RASGEF1C: variants seen among roughly 807,000 people sequenced by gnomAD.
The protein encoded by RASGEF1C is RasGEF domain family member 1C, also known as ras-GEF domain-containing family member 1C.
Under a neutral mutation model 58.1 loss-of-function variants are expected in RASGEF1C, and 27 were observed. That is an observed-to-expected ratio of 0.46 (90% CI 0.34 to 0.64). RASGEF1C has a LOEUF of 0.64. RASGEF1C is among the 30% of genes least tolerant of loss of function. The probability of loss-of-function intolerance (pLI) is 0.01; values close to 1 mark genes in which losing one functional copy is unlikely to be tolerated. For missense variants in RASGEF1C, 502 were observed against 605.1 expected (o/e 0.83, Z 1.79); for synonymous variants, 243 against 246.3 (o/e 0.99, Z 0.13).
intron 12 of RASGEF1C, among the ~76,000 whole-genome samples, chr5:180,103,286 C>A (rs960996533): frequency 2.0e-5 from 3 of 152,162 alleles, no homozygotes; most frequent in African/African-American, 7.2e-5. Flanking sequence ...ACCGTGTTAG[C>A]CAGGATGGTC....
At chr5:180,202,154 T>C (rs1369150994) in intron 1 of RASGEF1C, among the ~76,000 whole-genome samples, 1 of 152,086 alleles carries the variant, frequency 6.6e-6, no homozygotes, top group Non-Finnish European at 1.5e-5. Flanking sequence ...GAAAATCTCT[T>C]AGGGAGAACA....
Position 180,121,093 on chromosome 5 carries a change from C to A in RASGEF1C, c.771G>T (p.Arg257Ser), listed in dbSNP as rs997357910. Residue 257 changes from arginine to serine, a missense_variant, in exon 7 of 14, where the codon AGG becomes AGT. Arg to Ser is a moderately radical substitution (Grantham distance 110). Coordinates refer to ENST00000361132, the MANE Select transcript of RASGEF1C (RefSeq NM_175062.4). ...TCTCAGTTGCCACCAGGTAGCACAG[C>A]CTGTTGAACCATTTCACATAAGCCT... The part of the protein sequence containing the change: ...NLEAYVKWFN[R>S]LCYLVATEIC... The A allele has an allele frequency of 6.2e-7, 1 of 1,614,096 alleles. No homozygotes were observed. The highest frequency in any genetic ancestry group is 8.5e-7 in the Non-Finnish European group (1 of 1,179,962).
chr5:180,138,263 T>G, intron 1 of RASGEF1C: 1 of 434,214 alleles, frequency 2.3e-6, no homozygotes, highest in Non-Finnish European at 4.0e-6. Flanking sequence ...CGTCTTCTCA[T>G]GGCCTCTCAA....
At chr5:180,191,379 C>G (rs539847132) in intron 1 of RASGEF1C, among the ~76,000 whole-genome samples, 1 of 151,010 alleles carries the variant, frequency 6.6e-6, no homozygotes, top group African/African-American at 2.4e-5. Flanking sequence ...TTTTTTGAGA[C>G]GGAGTCTAGC....
At chr5:180,191,534 A>T (rs1377011453) in intron 1 of RASGEF1C, among the ~76,000 whole-genome samples, 2 of 151,686 alleles carry the variant, frequency 1.3e-5, no homozygotes, top group Non-Finnish European at 2.9e-5. Context: ...TTTTTTGTAT[A>T]TTTAGTAGAG....
rs745752933 is a variant in RASGEF1C at position 180,196,515 on chromosome 5, GA to G, written c.-7+12512del. On this transcript the variant is annotated intron_variant, in intron 1 of 13. Transcript: ENST00000361132. ...CTCTGTCTCAAAAAAGAAAAAAAAA[GA>G]AAAAAAAAAAAGAAATAGTATTGTT... Among the ~76,000 whole-genome samples the G allele has an allele frequency of 6.8e-3, 936 of 138,310 alleles. 4 individuals carry two copies. The highest frequency in any genetic ancestry group is 8.9e-3 in the Non-Finnish European group (557 of 62,866). 90.7% of individuals were successfully genotyped at this position (138,310 alleles called of 152,430 possible).
chr5:180,116,893 G>A (rs1766076469), intron 10 of RASGEF1C, among the ~76,000 whole-genome samples: 2 of 152,396 alleles, frequency 1.3e-5, no homozygotes, highest in Admixed American at 1.3e-4. Flanking sequence ...ACAGGCTGGA[G>A]TGTGATCCTG....
intron 1 of RASGEF1C, among the ~76,000 whole-genome samples, chr5:180,160,333 C>T (rs570194589): frequency 3.2e-4 from 49 of 152,320 alleles, no homozygotes; most frequent in African/African-American, 1.2e-3. Flanking sequence ...CTGGGGCCTC[C>T]AGACTGGACA....
At position 180,156,613 on chromosome 5, in the gene RASGEF1C, T is replaced by C. The variant is rs1318408813; in HGVS notation, c.-6-18555A>G. Among the ~76,000 whole-genome samples the C allele has an allele frequency of 2.0e-5, 3 of 151,910 alleles. No homozygotes were observed. The highest frequency in any genetic ancestry group is 7.2e-5 in the African/African-American group (3 of 41,412). On this transcript the variant is annotated intron_variant, in intron 1 of 13. Transcript: ENST00000361132. This position sits in a 1 kb window ranked among gnomAD's most constrained non-coding sequence, Gnocchi z 4.9. ...GTGAGATCCTGTCTCTACTAAAAAT[T>C]ACTAAAAAATTAGCTGGGCATGGTG...
chr5:180,144,744 C>T (rs1032674000), intron 1 of RASGEF1C, among the ~76,000 whole-genome samples: 2 of 152,186 alleles, frequency 1.3e-5, no homozygotes, highest in Non-Finnish European at 2.9e-5. Flanking sequence ...CACCACCGTC[C>T]GTCCACAGAA....
At position 180,137,516 on chromosome 5, in the gene RASGEF1C, A is replaced by G. The variant is rs1766502852; in HGVS notation, c.300+74T>C. Reference sequence around the variant, plus strand: ...CGGGGACAATCATTGCCTCCCCGAGAGGCTGATGCGTTGAGGGCATGGCAG... The same window carrying G: ...CGGGGACAATCATTGCCTCCCCGAGGGGCTGATGCGTTGAGGGCATGGCAG... On this transcript the variant is annotated intron_variant, in intron 3 of 13. Coordinates refer to ENST00000361132, the MANE Select transcript of RASGEF1C (RefSeq NM_175062.4). This position sits in a 1 kb window ranked among gnomAD's most constrained non-coding sequence, Gnocchi z 4.1. 1 of 1,556,058 alleles carries G rather than the reference A, an allele frequency of 6.4e-7. No individual in the cohort carries two copies. Among genetic ancestry groups the G allele is most frequent in the Non-Finnish European group, 8.7e-7 (1 of 1,150,892 alleles).
In RASGEF1C at chr5:180,128,331, G is replaced by A. The variant is rs552586858; in HGVS notation, c.639+79C>T. Reference sequence around the variant, plus strand: ...CTTCACAAGCTTGTGGGGCTGCTCTGGGAAGCCAGGGAGGGCACAGTGTAT... The same window carrying A: ...CTTCACAAGCTTGTGGGGCTGCTCTAGGAAGCCAGGGAGGGCACAGTGTAT... On this transcript the variant is annotated intron_variant, in intron 5 of 13. Transcript: ENST00000361132. 1.4e-5 allele frequency: 19 copies of A among 1,326,528 alleles called. No individual in the cohort carries two copies. In the South Asian group the frequency reaches 2.1e-4, roughly 15 times the overall value. The allele number at this position is 1,326,528 out of a possible 1,614,324, so 82.2% of individuals were successfully genotyped here.
intron 4 of RASGEF1C, among the ~76,000 whole-genome samples, chr5:180,131,360 C>CCTCCCCATGTCCCCA (rs1159703988): frequency 2.0e-5 from 3 of 152,108 alleles, no homozygotes; most frequent in Non-Finnish European, 4.4e-5. Flanking sequence ...TCCTTCCCAC[C>CCTCCCCATGTCCCCA]CTCCCCATGT....
intron 1 of RASGEF1C, among the ~76,000 whole-genome samples, chr5:180,166,127 C>G (rs1040332772): frequency 2.0e-5 from 3 of 152,132 alleles, no homozygotes; most frequent in African/African-American, 7.2e-5. Flanking sequence ...TAACTTTTCA[C>G]AGTTTATTTA....
intron 1 of RASGEF1C, among the ~76,000 whole-genome samples, chr5:180,160,741 G>A (rs917817256): frequency 1.3e-5 from 2 of 152,180 alleles, no homozygotes; most frequent in African/African-American, 4.8e-5. Flanking sequence ...TCTCCAGTAA[G>A]GGTCTCACAT....
chr5:180,173,922 C>CA (rs560581168), intron 1 of RASGEF1C, among the ~76,000 whole-genome samples: 9,216 of 125,742 alleles, frequency 0.073, 343 homozygotes, highest in African/African-American at 0.12. Context: ...AAACAACCAC[C>CA]AAAAAAAAAA....
chr5:180,153,035 C>G (rs1766788923), intron 1 of RASGEF1C, among the ~76,000 whole-genome samples: 1 of 151,930 alleles, frequency 6.6e-6, no homozygotes, highest in African/African-American at 2.4e-5. Context: ...ATTGCAGTAC[C>G]TTTATAAACG....
In RASGEF1C at chr5:180,118,823, C is replaced by T. The variant is rs1766117830; in HGVS notation, c.951G>A (p.Trp317Ter). 1 of 1,614,226 alleles carries T rather than the reference C, an allele frequency of 6.2e-7. No homozygotes were observed. The highest frequency in any genetic ancestry group is 8.5e-7 in the Non-Finnish European group (1 of 1,180,040). The change falls in exon 9 of 14, where the codon TGG becomes TGA. Residue 317 changes from tryptophan (W) to a stop codon, truncating the protein, a stop_gained. Coordinates refer to ENST00000361132, the MANE Select transcript of RASGEF1C (RefSeq NM_175062.4). LOFTEE classifies it high-confidence loss of function. Reference sequence around the variant, plus strand: ...AAAACTTGGCCGTCCTCACTTTGGCCCAGGTCTTCTTCAGCCTGGAGACAG... The same window carrying T: ...AAAACTTGGCCGTCCTCACTTTGGCTCAGGTCTTCTTCAGCCTGGAGACAG... ...MSPVSRLKKTWAKVRTAKFFI... is the reference protein window; with the variant it reads ...MSPVSRLKKT
In RASGEF1C at chr5:180,137,546, G is replaced by C. The variant is rs774167842; in HGVS notation, c.300+44C>G. ...GATGCGTTGAGGGCATGGCAGGGCAGTGCTGGTACACTCTGAGACCCCCTG... is the reference window on the plus strand; with the variant it reads ...GATGCGTTGAGGGCATGGCAGGGCACTGCTGGTACACTCTGAGACCCCCTG... On this transcript the variant is annotated intron_variant, in intron 3 of 13. Coordinates refer to ENST00000361132, the MANE Select transcript of RASGEF1C (RefSeq NM_175062.4). The surrounding 1 kb of genome is among the most constrained non-coding windows in gnomAD (Gnocchi z 4.1). 21 of 1,590,854 alleles carry C rather than the reference G, an allele frequency of 1.3e-5. No homozygotes were observed. In the East Asian group the frequency reaches 4.1e-4, roughly 31 times the overall value.
Sources: allele counts gnomAD v4.1 joint callset (sites outside exome capture counted in the v4.1 genomes callset), GRCh38; gene constraint gnomAD v4.1.1; non-coding constraint Gnocchi (gnomAD v3.1); transcripts MANE v1.5; gene names NCBI Gene and HGNC (gene_info 2026-07-23, HGNC 2026-07-21).